Variants in CHAT observed in about 807,000 individuals in gnomAD.
The protein encoded by CHAT is choline O-acetyltransferase.
A neutral mutation model predicts 76.9 loss-of-function variants in CHAT; 61 were observed. That is an observed-to-expected ratio of 0.79 (90% CI 0.65 to 0.98). CHAT has a LOEUF of 0.98. Among genes scored for constraint, CHAT ranks in the 50% least tolerant of loss-of-function variants. The pLI is 0.00. For missense variants in CHAT, 946 were observed against 986.9 expected (o/e 0.96, Z 0.56); for synonymous variants, 407 against 397.4 (o/e 1.02, Z -0.29).
chr10:49,612,289 C>A, upstream of CHAT: 1 of 1,612,156 alleles, frequency 6.2e-7, no homozygotes. Context: ...CCCGCCTGGC[C>A]CTTTTGATGC....
At chr10:49,631,609 G>A (rs113335091) in intron 7 of CHAT, among the ~76,000 whole-genome samples, 78 of 152,288 alleles carry the variant, frequency 5.1e-4, no homozygotes, top group African/African-American at 1.1e-3. Context: ...GGGTTTGGCC[G>A]TCTCAGTGAC....
At chr10:49,625,331 G>C (rs978378351) in intron 5 of CHAT, 142 bp from the exon 6 acceptor site, 8 of 755,860 alleles carry the variant, frequency 1.1e-5, no homozygotes, top group African/African-American at 3.4e-5. Context: ...GGAGAATTGA[G>C]CTCTGCATCT....
At chr10:49,620,361 C>A in intron 3 of CHAT, 134 bp from the exon 4 acceptor site, 1 of 760,222 alleles carries the variant, frequency 1.3e-6, no homozygotes. Context: ...GCTCCTGGCA[C>A]ATACCTGGGG....
upstream of CHAT, chr10:49,611,958 C>T: frequency 6.2e-7 from 1 of 1,613,038 alleles, no homozygotes; most frequent in South Asian, 1.1e-5. Context: ...CCACGCTCGC[C>T]TTCCTGGTGG....
upstream of CHAT, chr10:49,612,052 G>C (rs771167847): frequency 1.9e-6 from 3 of 1,613,568 alleles, no homozygotes; most frequent in South Asian, 3.3e-5. Context: ...CGGGCCCATA[G>C]TGGCAGGCCA....
At chr10:49,654,903 T>C (rs1839984265) in intron 11 of CHAT, among the ~76,000 whole-genome samples, 192 bp from the exon 12 acceptor site, 1 of 152,110 alleles carries the variant, frequency 6.6e-6, no homozygotes, top group Admixed American at 6.5e-5. Flanking sequence ...CAAACGTGGC[T>C]CTCCATGTGG....
Position 49,657,187 on chromosome 10 carries a change from T to A in CHAT, c.1839+1739T>A, listed in dbSNP as rs114949085. 7.2e-3 allele frequency among the ~76,000 whole-genome samples: 1,089 copies of A among 152,206 alleles called. 13 individuals carry two copies. Among genetic ancestry groups the A allele is most frequent in the African/African-American group, 0.025 (1,049 of 41,510 alleles). On this transcript the variant is annotated intron_variant, in intron 13 of 14. Transcript: ENST00000337653. ...AAGATCAAGGTGCCAGAAGGTTCAGTGTCTGGCAAAGCCTGCTCTGTGCTT... is the reference window on the plus strand; with the variant it reads ...AAGATCAAGGTGCCAGAAGGTTCAGAGTCTGGCAAAGCCTGCTCTGTGCTT...
At chr10:49,652,544 C>T (rs1839913865) in intron 11 of CHAT, among the ~76,000 whole-genome samples, 1 of 152,194 alleles carries the variant, frequency 6.6e-6, no homozygotes, top group Admixed American at 6.5e-5. Context: ...GCCATTGGCC[C>T]CTCCCAGGCC....
intron 13 of CHAT, among the ~76,000 whole-genome samples, chr10:49,662,216 T>C (rs1840215644): frequency 6.6e-6 from 1 of 152,194 alleles, no homozygotes; most frequent in African/African-American, 2.4e-5. Context: ...TCACAATGCT[T>C]GCACAGGATC....
At chr10:49,661,176 G>A (rs564145870) in intron 13 of CHAT, 1 of 152,268 alleles carries the variant, frequency 6.6e-6, no homozygotes, top group South Asian at 2.1e-4. Context: ...ATGAAAGACT[G>A]AATTATAAGT....
chr10:49,637,024 G>C (rs1272930670), intron 7 of CHAT, among the ~76,000 whole-genome samples: 1 of 150,420 alleles, frequency 6.6e-6, no homozygotes, highest in Non-Finnish European at 1.5e-5. Context: ...ATTGGTGGTT[G>C]TGTCTTTCTC....
intron 5 of CHAT, among the ~76,000 whole-genome samples, chr10:49,624,145 C>A (rs1269734770): frequency 6.6e-6 from 1 of 152,214 alleles, no homozygotes. Context: ...TGGGCCTCAG[C>A]CCCACTGGCT....
intron 7 of CHAT, among the ~76,000 whole-genome samples, chr10:49,630,491 CAG>C (rs1839080190): frequency 6.6e-6 from 1 of 152,104 alleles, no homozygotes; most frequent in South Asian, 2.1e-4. Context: ...TGCACACTGA[CAG>C]AAGTGATCCA....
chr10:49,658,895 T>G (rs575768948), intron 13 of CHAT, among the ~76,000 whole-genome samples: 114 of 152,214 alleles, frequency 7.5e-4, no homozygotes, highest in African/African-American at 2.7e-3. Context: ...AGAAAAAAAT[T>G]CAGTGGAAGA....
At chr10:49,659,459 T>C (rs1398891608) in intron 13 of CHAT, among the ~76,000 whole-genome samples, 1 of 151,520 alleles carries the variant, frequency 6.6e-6, no homozygotes, top group Admixed American at 6.6e-5. Flanking sequence ...TAAAAGGAGA[T>C]CACAAATCAA....
intron 11 of CHAT, among the ~76,000 whole-genome samples, chr10:49,653,195 A>C (rs1288072659): frequency 6.6e-6 from 1 of 152,016 alleles, no homozygotes; most frequent in Non-Finnish European, 1.5e-5. Flanking sequence ...TGGTCCGGCC[A>C]GGTCTGGGAT....
chr10:49,622,005 A>AGGAGATGGAAGGAC, intron 4 of CHAT, 92 bp from the exon 5 acceptor site: 1 of 1,414,654 alleles, frequency 7.1e-7, no homozygotes, highest in Non-Finnish European at 9.9e-7. Flanking sequence ...GATGGAAGGA[A>AGGAGATGGAAGGAC]GAGGGAAGGA....
At chr10:49,631,823 G>A (rs1839132049) in intron 7 of CHAT, among the ~76,000 whole-genome samples, 1 of 152,088 alleles carries the variant, frequency 6.6e-6, no homozygotes. Flanking sequence ...GATGGAGACT[G>A]GGCGTCCACA....
intron 11 of CHAT, among the ~76,000 whole-genome samples, chr10:49,654,564 G>C (rs1455776633): frequency 6.6e-6 from 1 of 152,234 alleles, no homozygotes; most frequent in Non-Finnish European, 1.5e-5. Context: ...CAGTCATCAG[G>C]GAAGAGAGGC....
Sources: gnomAD v4.1 joint callset for allele counts (sites outside exome capture counted in the v4.1 genomes callset) on GRCh38, gnomAD v4.1.1 for gene constraint, MANE v1.5 for transcripts, NCBI Gene and HGNC (gene_info 2026-07-23, HGNC 2026-07-21) for gene names.